The following PBX4 variants were observed in gnomAD, a reference collection of about 807,000 sequenced individuals.
PBX4 encodes the protein PBX homeobox 4.
In PBX4, 26 loss-of-function variants were observed where a neutral mutation model predicts 35.1. The ratio of observed to expected loss-of-function variants is 0.74; its 90% CI spans 0.54 to 1.03. PBX4 has a LOEUF of 1.03. Among genes scored for constraint, PBX4 ranks in the 50% least tolerant of loss-of-function variants. PBX4 has a pLI of 0.00. For synonymous variants in PBX4, 199 were observed against 204.2 expected, an observed-to-expected ratio of 0.97 and a Z score of 0.22; for missense variants, 448 against 504.3, an observed-to-expected ratio of 0.89 and a Z score of 1.07.
intron 2 of PBX4, among the ~76,000 whole-genome samples, chr19:19,583,855 A>G (rs1328208354): frequency 6.6e-6 from 1 of 152,176 alleles, no homozygotes; most frequent in Admixed American, 6.6e-5. Context: ...AGATCACCTC[A>G]GATCAGGAGT....
chr19:19,615,767 G>T lies in PBX4; in HGVS notation c.119+2744C>A, dbSNP rs551921173. 5.3e-5 allele frequency among the ~76,000 whole-genome samples: 8 copies of T among 152,236 alleles called. No homozygotes were observed. The East Asian group carries it at 1.5e-3, about 29-fold the overall frequency. The stretch of plus-strand genomic sequence containing the variant: ...CTAGCCACGCATGGGGCGTATGCCT[G>T]TAGTCCCGGCTACTCAGGAAGCTGA... On this transcript the variant is annotated intron_variant, in intron 1 of 7. Coordinates refer to ENST00000251203, the MANE Select transcript of PBX4 (RefSeq NM_025245.3).
intron 5 of PBX4, among the ~76,000 whole-genome samples, chr19:19,565,820 A>C (rs1394408971): frequency 6.6e-6 from 1 of 152,144 alleles, no homozygotes; most frequent in East Asian, 1.9e-4. Flanking sequence ...CGGGAGGCTG[A>C]GGCAGGAGAA....
intron 5 of PBX4, among the ~76,000 whole-genome samples, chr19:19,568,717 C>T (rs1195640107): frequency 6.6e-6 from 1 of 151,996 alleles, no homozygotes; most frequent in Admixed American, 6.6e-5. Context: ...AGGGAGCTCA[C>T]ACTCTGTCTG....
intron 1 of PBX4, among the ~76,000 whole-genome samples, chr19:19,612,739 G>A (rs2061669230): frequency 6.6e-6 from 1 of 152,086 alleles, no homozygotes; most frequent in Non-Finnish European, 1.5e-5. Context: ...AAGCCCCGGG[G>A]GTCATCCCAA....
chr19:19,607,295 C>A (rs960766691), intron 1 of PBX4, among the ~76,000 whole-genome samples: 2 of 152,086 alleles, frequency 1.3e-5, no homozygotes, highest in African/African-American at 4.8e-5. Context: ...TTCAAGTGAT[C>A]CACCCACCTC....
chr19:19,583,015 TC>T (rs2061465525), intron 2 of PBX4, among the ~76,000 whole-genome samples: 1 of 152,196 alleles, frequency 6.6e-6, no homozygotes, highest in Admixed American at 6.6e-5. Context: ...ATGAACTCTT[TC>T]CCAGCAAGAG....
chr19:19,589,830 T>C (rs1008150638), intron 2 of PBX4, among the ~76,000 whole-genome samples: 5 of 152,176 alleles, frequency 3.3e-5, no homozygotes, highest in African/African-American at 1.2e-4. Context: ...AGGGCAGAGA[T>C]GAACCACAGA....
intron 2 of PBX4, among the ~76,000 whole-genome samples, chr19:19,599,018 G>A (rs2061578781): frequency 6.6e-6 from 1 of 151,272 alleles, no homozygotes; most frequent in African/African-American, 2.4e-5. Flanking sequence ...GCCCAGGCTG[G>A]AGTGCAATGG....
chr19:19,566,225 T>G (rs2061340934), intron 5 of PBX4, among the ~76,000 whole-genome samples: 2 of 152,280 alleles, frequency 1.3e-5, no homozygotes, highest in South Asian at 4.1e-4. Context: ...TCACCTTTGG[T>G]GGCACTGCTG....
intron 5 of PBX4, among the ~76,000 whole-genome samples, chr19:19,568,411 C>T (rs1376968848): frequency 6.7e-6 from 1 of 149,966 alleles, no homozygotes; most frequent in African/African-American, 2.5e-5. Flanking sequence ...CCATCTGTAT[C>T]CCTCAGGGAG....
At chr19:19,582,363 T>C (rs1354543711) in intron 2 of PBX4, among the ~76,000 whole-genome samples, 1 of 152,096 alleles carries the variant, frequency 6.6e-6, no homozygotes, top group African/African-American at 2.4e-5. Context: ...CAAATAAGCC[T>C]GAGACCTTAA....
At chr19:19,587,292 G>A (rs2061495704) in intron 2 of PBX4, among the ~76,000 whole-genome samples, 1 of 152,090 alleles carries the variant, frequency 6.6e-6, no homozygotes, top group African/African-American at 2.4e-5. Flanking sequence ...ACCAGTACAA[G>A]TGTTAAAACA....
intron 2 of PBX4, among the ~76,000 whole-genome samples, chr19:19,573,033 CA>C (rs1361254054): frequency 6.6e-6 from 1 of 151,578 alleles, no homozygotes; most frequent in Non-Finnish European, 1.5e-5. Flanking sequence ...TGGCCAGGCG[CA>C]GTGGCTCACG....
At chr19:19,614,559 C>T (rs755028320) in intron 1 of PBX4, among the ~76,000 whole-genome samples, 81 of 151,864 alleles carry the variant, frequency 5.3e-4, no homozygotes, top group Non-Finnish European at 9.9e-4. Context: ...CACTTGAACC[C>T]GGGAGGCGGA....
At chr19:19,579,407 TA>T (rs1304178184) in intron 2 of PBX4, among the ~76,000 whole-genome samples, 3 of 151,890 alleles carry the variant, frequency 2.0e-5, no homozygotes, top group Non-Finnish European at 4.4e-5. Flanking sequence ...ACTAAGACAG[TA>T]ACATAACCCC....
At chr19:19,585,733 T>G (rs1336327471) in intron 2 of PBX4, among the ~76,000 whole-genome samples, 1 of 152,188 alleles carries the variant, frequency 6.6e-6, no homozygotes, top group Admixed American at 6.5e-5. Context: ...TCCCCCACCC[T>G]TAAGAAGGTT....
intron 2 of PBX4, among the ~76,000 whole-genome samples, chr19:19,583,281 A>AAAAACAAAACAAAAC (rs201678612): frequency 1.3e-5 from 2 of 151,024 alleles, no homozygotes; most frequent in Admixed American, 6.6e-5. Flanking sequence ...TCCGTCTCAA[A>AAAAACAAAACAAAAC]AAAACAAAAC....
chr19:19,561,982 C>T lies in PBX4; in HGVS notation c.*43G>A. ...AGTAACAAAGCAACGGCTGGCGATA[C>T]ATGGCAGCTCACGCAGCGCTCTTTC... is the stretch of plus-strand genomic sequence containing the variant. On this transcript the variant is annotated 3_prime_UTR_variant, in exon 8 of 8. Coordinates refer to ENST00000251203, the MANE Select transcript of PBX4 (RefSeq NM_025245.3). The T allele has an allele frequency of 1.3e-6, 2 of 1,534,040 alleles. No individual in the cohort carries two copies. Among genetic ancestry groups the T allele is most frequent in the Non-Finnish European group, 1.8e-6 (2 of 1,119,732 alleles).
At chr19:19,600,599 G>A (rs960651478) in intron 1 of PBX4, among the ~76,000 whole-genome samples, 3 of 151,668 alleles carry the variant, frequency 2.0e-5, no homozygotes, top group East Asian at 1.9e-4. Flanking sequence ...CGGATGGATC[G>A]CCTGAGGTCA....
Sources: allele counts gnomAD v4.1 joint callset (sites outside exome capture counted in the v4.1 genomes callset), GRCh38; gene constraint gnomAD v4.1.1; transcripts MANE v1.5; gene names NCBI Gene and HGNC (gene_info 2026-07-23, HGNC 2026-07-21).